Variants in NADSYN1 observed in about 807,000 individuals in gnomAD.
NADSYN1 encodes NAD synthetase 1, also known as glutamine-dependent NAD(+) synthetase.
NADSYN1 carries 80 observed loss-of-function variants against 99.3 expected under a neutral mutation model. The observed-to-expected ratio is 0.81, with a 90% CI of 0.67 to 0.97. NADSYN1 has a LOEUF of 0.97. NADSYN1 is among the 50% of genes least tolerant of loss of function. The pLI is 0.00. For synonymous variants in NADSYN1, 385 were observed against 372.1 expected (o/e 1.03, Z -0.40); for missense variants, 859 against 948.5 (o/e 0.91, Z 1.24).
intron 18 of NADSYN1, 58 bp downstream of exon 18, chr11:71,491,961 T>A: frequency 6.6e-7 from 1 of 1,505,178 alleles, no homozygotes; most frequent in Non-Finnish European, 9.1e-7. Context: ...TCCTGTGTGG[T>A]GGTGCTGGCT....
At position 71,453,264 on chromosome 11, in the gene NADSYN1, C is replaced by T; in HGVS notation, c.-33C>T. On this transcript the variant is annotated 5_prime_UTR_variant, in exon 1 of 21. Transcript: ENST00000319023. ...CTGGGACCCTGGTCTTGCTGTCCCC[C>T]GCTGGCCTCCTGCCCAAGCGACTGC... is the stretch of plus-strand genomic sequence containing the variant. 3 of 1,601,972 alleles carry T rather than the reference C, an allele frequency of 1.9e-6. No homozygotes were observed. Among genetic ancestry groups the T allele is most frequent in the Non-Finnish European group, 2.6e-6 (3 of 1,171,298 alleles).
At chr11:71,492,969 C>A (rs917861006) in intron 18 of NADSYN1, among the ~76,000 whole-genome samples, 5 of 151,902 alleles carry the variant, frequency 3.3e-5, no homozygotes, top group African/African-American at 1.2e-4. Context: ...CTCACTGCAA[C>A]CTCCACCTCC....
chr11:71,460,688 C>A (rs1367956650), intron 3 of NADSYN1: 1 of 103,618 alleles, frequency 9.7e-6, no homozygotes, highest in Non-Finnish European at 3.0e-5. Context: ...TTGTAACCAT[C>A]ATATTTGAAG....
At chr11:71,484,718 T>A in intron 15 of NADSYN1, 1 of 448,180 alleles carries the variant, frequency 2.2e-6, no homozygotes, top group South Asian at 2.6e-5. Context: ...TGTAAGGATG[T>A]GCGTGCTCGA....
At chr11:71,477,284 C>A in intron 9 of NADSYN1, 1 of 1,263,430 alleles carries the variant, frequency 7.9e-7, no homozygotes. Context: ...GAACGATCCT[C>A]GCCTTCCCTC....
chr11:71,498,699 T>A, intron 20 of NADSYN1, 171 bp downstream of exon 20: 1 of 670,850 alleles, frequency 1.5e-6, no homozygotes, highest in South Asian at 2.1e-5. Context: ...TTTACTTTTT[T>A]CGTGTTGACA....
At chr11:71,459,651 T>G (rs1046971260) in intron 3 of NADSYN1, 4 of 152,668 alleles carry the variant, frequency 2.6e-5, no homozygotes, top group African/African-American at 9.6e-5. Flanking sequence ...GAACCTCGCA[T>G]CGAGTCCTTT....
chr11:71,472,454 CAG>C lies in NADSYN1; in HGVS notation c.416_417del (p.Glu139GlyfsTer34). On this transcript the variant is annotated frameshift_variant, in exon 6 of 21. Coordinates refer to ENST00000319023, the MANE Select transcript of NADSYN1 (RefSeq NM_018161.5). LOFTEE classifies it high-confidence loss of function. ...CTCGGTGTTTTCCTCTCCAGGCACA[CAG>C]AGGAGTACTTTCTGCCTCGGATGAT... 6.2e-7 allele frequency: 1 copy of C among 1,612,268 alleles called. No homozygotes were observed. The highest frequency in any genetic ancestry group is 1.1e-5 in the South Asian group (1 of 91,072).
intron 5 of NADSYN1, among the ~76,000 whole-genome samples, chr11:71,467,704 A>G (rs1949601523): frequency 1.3e-5 from 2 of 152,256 alleles, no homozygotes; most frequent in East Asian, 3.8e-4. Flanking sequence ...TGAAAACCTA[A>G]GAGACATTAA....
intron 18 of NADSYN1, chr11:71,496,936 T>C (rs4944999): frequency 0.94 from 145,463 of 154,362 alleles, 68,793 homozygotes; most frequent in African/African-American, 0.97. Context: ...AGTGCAGAGC[T>C]GCAATCTCGG....
chr11:71,456,183 C>T (rs1170617954), intron 2 of NADSYN1, among the ~76,000 whole-genome samples: 1 of 152,212 alleles, frequency 6.6e-6, no homozygotes, highest in African/African-American at 2.4e-5. Flanking sequence ...TTGTGTGAGT[C>T]CAGAGGCATC....
At chr11:71,478,271 C>T (rs934727928) in intron 9 of NADSYN1, 124 bp from the exon 10 acceptor site, 13 of 783,172 alleles carry the variant, frequency 1.7e-5, no homozygotes, top group Non-Finnish European at 2.8e-5. Flanking sequence ...CCTGGGCCTC[C>T]AGGAATCCAG....
rs1402227671 is a variant in NADSYN1 at position 71,474,409 on chromosome 11, C to T, written c.681C>T (p.Tyr227=). The T allele has an allele frequency of 1.9e-6, 3 of 1,614,202 alleles. No individual in the cohort carries two copies. Among genetic ancestry groups the T allele is most frequent in the South Asian group, 1.1e-5 (1 of 91,082 alleles). The change falls in exon 9 of 21, where the codon TAC becomes TAT. Residue 227 remains tyrosine (Y), a synonymous_variant. Transcript: ENST00000319023. ...TCCTTTTTCAGAACGGTGGGATTTACTTGCTGGCCAACCAGAAGGGTTGTG... is the reference window on the plus strand; with the variant it reads ...TCCTTTTTCAGAACGGTGGGATTTATTTGCTGGCCAACCAGAAGGGTTGTG... ...TMVTSKNGGI[Y]LLANQKGCDG...
At chr11:71,497,768 C>G (rs576344599) in intron 19 of NADSYN1, among the ~76,000 whole-genome samples, 157 bp downstream of exon 19, 1 of 152,364 alleles carries the variant, frequency 6.6e-6, no homozygotes, top group East Asian at 1.9e-4. Flanking sequence ...TTTTTACCCA[C>G]TCTGATCTTC....
intron 5 of NADSYN1, 146 bp from the exon 6 acceptor site, chr11:71,472,302 GT>G: frequency 1.4e-6 from 1 of 705,448 alleles, no homozygotes. Context: ...GAATGCGATT[GT>G]TTATTGCATT....
chr11:71,484,205 A>G, intron 14 of NADSYN1, 107 bp from the exon 15 acceptor site: 1 of 1,472,450 alleles, frequency 6.8e-7, no homozygotes, highest in Non-Finnish European at 9.2e-7. Flanking sequence ...TACGCTTTAA[A>G]TGGGTTACAA....
At chr11:71,455,231 C>A in intron 2 of NADSYN1, 61 bp downstream of exon 2, 1 of 1,439,908 alleles carries the variant, frequency 6.9e-7, no homozygotes, top group Non-Finnish European at 9.7e-7. Flanking sequence ...CAGTTTTCCC[C>A]AGCTGAGAAG....
chr11:71,453,558 C>G (rs1253666479), intron 1 of NADSYN1, among the ~76,000 whole-genome samples, 177 bp downstream of exon 1: 3 of 152,146 alleles, frequency 2.0e-5, no homozygotes, highest in African/African-American at 7.2e-5. Context: ...AGGTCCTCGT[C>G]GGGAAGTGAG....
intron 1 of NADSYN1, among the ~76,000 whole-genome samples, chr11:71,453,740 T>G (rs1036842035): frequency 1.3e-5 from 2 of 152,232 alleles, no homozygotes; most frequent in African/African-American, 2.4e-5. Context: ...GGCTGCGCAC[T>G]GGCGGGGATG....
Sources: allele counts gnomAD v4.1 joint callset (sites outside exome capture counted in the v4.1 genomes callset), GRCh38; gene constraint gnomAD v4.1.1; transcripts MANE v1.5; gene names NCBI Gene and HGNC (gene_info 2026-07-23, HGNC 2026-07-21).